Variants in FER observed in about 807,000 individuals in gnomAD.
FER encodes the protein FER tyrosine kinase, also known as tyrosine-protein kinase Fer.
FER carries 63 observed loss-of-function variants against 111.0 expected under a neutral mutation model. The observed-to-expected ratio is 0.57, with a 90% CI of 0.46 to 0.70. The LOEUF (loss-of-function observed/expected upper bound fraction) is 0.70, where lower values mean the gene tolerates loss of function less well. Among genes scored for constraint, FER ranks in the 30% least tolerant of loss-of-function variants. The pLI is 0.00. For synonymous variants in FER, 327 were observed against 313.9 expected (o/e 1.04, Z -0.44); for missense variants, 914 against 954.0 (o/e 0.96, Z 0.55).
intron 17 of FER, among the ~76,000 whole-genome samples, chr5:109,140,881 A>C (rs1753448965): frequency 1.3e-5 from 2 of 152,204 alleles, no homozygotes; most frequent in Non-Finnish European, 2.9e-5. Context: ...CAGTCCCCTC[A>C]TAAGTCATTA....
At chr5:108,794,222 C>CT (rs201053084) in intron 2 of FER, among the ~76,000 whole-genome samples, 5,793 of 133,734 alleles carry the variant, frequency 0.043, 169 homozygotes, top group South Asian at 0.12. Context: ...TTTTTTTTTT[C>CT]TTTTTTTTTT....
At chr5:109,161,726 G>A (rs1756008257) in intron 17 of FER, among the ~76,000 whole-genome samples, 1 of 152,054 alleles carries the variant, frequency 6.6e-6, no homozygotes, top group Middle Eastern at 3.2e-3. Flanking sequence ...ATTTATGGTA[G>A]AACGATTTTA....
At chr5:108,989,654 A>T (rs899985608) in intron 13 of FER, among the ~76,000 whole-genome samples, 2 of 151,770 alleles carry the variant, frequency 1.3e-5, no homozygotes, top group African/African-American at 2.4e-5. Flanking sequence ...TTACATTAGG[A>T]TTTTCTAAAC....
chr5:108,821,081 C>T (rs578035229), intron 3 of FER, among the ~76,000 whole-genome samples: 2 of 152,314 alleles, frequency 1.3e-5, no homozygotes, highest in African/African-American at 4.8e-5. Flanking sequence ...CACTGTACTC[C>T]AGCCTGGGTG....
intron 17 of FER, among the ~76,000 whole-genome samples, chr5:109,144,091 G>A (rs1753807069): frequency 6.6e-6 from 1 of 152,012 alleles, no homozygotes; most frequent in South Asian, 2.1e-4. Flanking sequence ...ACAAAAGCAT[G>A]ATTTGGAACC....
At chr5:108,937,434 G>GT (rs1371790582) in intron 10 of FER, among the ~76,000 whole-genome samples, 1 of 152,002 alleles carries the variant, frequency 6.6e-6, no homozygotes, top group Admixed American at 6.6e-5. Flanking sequence ...AGTGAAAAAA[G>GT]TTTAAGTTGC....
intron 10 of FER, among the ~76,000 whole-genome samples, chr5:108,918,943 T>G (rs1204739535): frequency 6.6e-6 from 1 of 152,248 alleles, no homozygotes; most frequent in African/African-American, 2.4e-5. Context: ...TGAGGCTAGA[T>G]CTGTAAAATT....
intron 17 of FER, 31 bp from the exon 18 acceptor site, chr5:109,180,716 T>C (rs765207433): frequency 5.1e-6 from 8 of 1,567,538 alleles, no homozygotes; most frequent in Non-Finnish European, 6.0e-6. Context: ...TTTGTTTTAA[T>C]AGGCGTTTTC....
chr5:109,020,689 C>T (rs530678050), intron 13 of FER, among the ~76,000 whole-genome samples: 132 of 152,118 alleles, frequency 8.7e-4, no homozygotes, highest in Admixed American at 2.8e-3. Flanking sequence ...ACACACTTCG[C>T]GGCCGAGCTT....
chr5:109,152,791 G>T (rs1032866030), intron 17 of FER, among the ~76,000 whole-genome samples: 3 of 151,864 alleles, frequency 2.0e-5, no homozygotes, highest in Admixed American at 1.3e-4. Flanking sequence ...GTCAAGGAAG[G>T]AAATGTGGAA....
chr5:108,767,420 TA>T (rs1277473656), intron 1 of FER, among the ~76,000 whole-genome samples: 1 of 152,208 alleles, frequency 6.6e-6, no homozygotes, highest in Non-Finnish European at 1.5e-5. Flanking sequence ...CTTATGTACT[TA>T]ATTACTACTT....
chr5:109,070,538 A>G (rs1581897627), intron 16 of FER, among the ~76,000 whole-genome samples: 1 of 152,118 alleles, frequency 6.6e-6, no homozygotes, highest in Non-Finnish European at 1.5e-5. Context: ...CCATAATAAT[A>G]TAACACTTAT....
At chr5:108,992,742 C>G (rs1325206195) in intron 13 of FER, among the ~76,000 whole-genome samples, 3 of 149,484 alleles carry the variant, frequency 2.0e-5, no homozygotes, top group East Asian at 4.0e-4. Flanking sequence ...ACTTCCCAGA[C>G]GGGGTGGCTG....
chr5:109,065,201 T>C (rs543016345), intron 16 of FER, among the ~76,000 whole-genome samples: 1 of 152,278 alleles, frequency 6.6e-6, no homozygotes, highest in Non-Finnish European at 1.5e-5. Flanking sequence ...AAAACTATAA[T>C]TTCATTAAAA....
intron 17 of FER, among the ~76,000 whole-genome samples, chr5:109,129,213 G>A (rs1053736931): frequency 5.9e-5 from 9 of 152,042 alleles, no homozygotes; most frequent in South Asian, 4.2e-4. Context: ...AATGAATTCC[G>A]GGTGGAGAAT....
intron 17 of FER, among the ~76,000 whole-genome samples, chr5:109,163,730 A>ACT (rs2126755638): frequency 6.6e-6 from 1 of 152,252 alleles, no homozygotes; most frequent in East Asian, 1.9e-4. Flanking sequence ...GGCATGAGCT[A>ACT]CTGCACCCGG....
chr5:109,093,548 T>TTAA (rs1747088747), intron 16 of FER, among the ~76,000 whole-genome samples: 4 of 152,274 alleles, frequency 2.6e-5, no homozygotes, highest in African/African-American at 9.6e-5. Context: ...TTTTAATTAT[T>TTAA]TAATAAGATT....
intron 10 of FER, among the ~76,000 whole-genome samples, chr5:108,924,445 C>G (rs74437119): frequency 0.011 from 1,727 of 151,532 alleles, 32 homozygotes; most frequent in African/African-American, 0.039. Context: ...AAGGATTTTC[C>G]GTTTGTTGCT....
At chr5:108,891,702 A>T (rs1243593817) in intron 9 of FER, among the ~76,000 whole-genome samples, 1 of 149,312 alleles carries the variant, frequency 6.7e-6, no homozygotes, top group Admixed American at 6.7e-5. Flanking sequence ...TTTAGGGTAC[A>T]TGTGCACAAC....
Sources: gnomAD v4.1 joint callset for allele counts (sites outside exome capture counted in the v4.1 genomes callset) on GRCh38, gnomAD v4.1.1 for gene constraint, MANE v1.5 for transcripts, NCBI Gene and HGNC (gene_info 2026-07-23, HGNC 2026-07-21) for gene names.